MTA1: variants seen among roughly 807,000 people sequenced by gnomAD.
MTA1 encodes metastasis-associated protein MTA1.
A neutral mutation model predicts 97.0 loss-of-function variants in MTA1; 15 were observed. The observed-to-expected ratio is 0.15, with a 90% CI of 0.10 to 0.24. The LOEUF is 0.24. MTA1 is among the 10% of genes least tolerant of loss of function. The probability of loss-of-function intolerance (pLI) is 1.00; values close to 1 mark genes in which losing one functional copy is unlikely to be tolerated. For synonymous variants in MTA1, 435 were observed against 417.5 expected, an observed-to-expected ratio of 1.04 and a Z score of -0.51; for missense variants, 709 against 1,015.1, an observed-to-expected ratio of 0.70 and a Z score of 4.10.
At position 105,448,601 on chromosome 14, in the gene MTA1, A is replaced by C. The variant is rs142092413; in HGVS notation, c.191-758A>C. ...GAGTGAGATGTGTTGGCCTGGGATG[A>C]GAGGACTGGGGCTGTCCTGGTCGGC... is the stretch of plus-strand genomic sequence containing the variant. On this transcript the variant is annotated intron_variant, in intron 3 of 20. Transcript: ENST00000331320. 8.5e-4 allele frequency among the ~76,000 whole-genome samples: 130 copies of C among 152,310 alleles called. 4 individuals carry two copies. In the East Asian group the frequency reaches 0.014, roughly 16 times the overall value.
intron 6 of MTA1, 130 bp downstream of exon 6, chr14:105,450,454 G>A (rs2141580534): frequency 1.8e-6 from 2 of 1,082,286 alleles, no homozygotes; most frequent in South Asian, 1.6e-5. Context: ...TGTTCTGGGG[G>A]GAAGCGGGGA....
rs1595415597 is a variant in MTA1 at position 105,464,745 on chromosome 14, T to C, written c.1416T>C (p.Tyr472=). The change falls in exon 15 of 21, where the codon TAT becomes TAC. Residue 472 remains tyrosine (Y), a synonymous_variant. Transcript: ENST00000331320. The part of the protein sequence containing the change: ...KFAMKTRQAF[Y]LHTTKLTRIA... ...CCATGAAGACCAGGCAGGCTTTCTA[T>C]CTGCACACGACGAAGCTGACGCGGA... 7 of 1,610,206 alleles carry C rather than the reference T, an allele frequency of 4.3e-6. No individual in the cohort carries two copies. Among genetic ancestry groups the C allele is most frequent in the Non-Finnish European group, 5.9e-6 (7 of 1,178,050 alleles).
Position 105,449,541 on chromosome 14 carries a change from G to A in MTA1, c.241+132G>A, listed in dbSNP as rs1162936458. 8 of 979,500 alleles carry A rather than the reference G, an allele frequency of 8.2e-6. No individual in the cohort carries two copies. The African/African-American group carries it at 9.9e-5, about 12-fold the overall frequency. The allele number at this position is 979,500 out of a possible 1,614,324, so 60.7% of individuals were successfully genotyped here. A position where few individuals can be genotyped will look rare whatever the true frequency, so the allele number is the denominator to read the frequency against. On this transcript the variant is annotated intron_variant, in intron 4 of 20. Coordinates refer to ENST00000331320, the MANE Select transcript of MTA1 (RefSeq NM_004689.4). ...TGCCCTGCGCCCGGCCGGCCCGGCT[G>A]AGGAGGGGCCCTCCCTTGTGTCCGG...
At chr14:105,432,247 T>G in intron 1 of MTA1, among the ~76,000 whole-genome samples, 1 of 152,208 alleles carries the variant, frequency 6.6e-6, no homozygotes, top group South Asian at 2.1e-4. Context: ...TTTTATTTAT[T>G]TATTTATTTT....
At chr14:105,423,442 C>T (rs1555421472) in intron 1 of MTA1, among the ~76,000 whole-genome samples, 1 of 152,100 alleles carries the variant, frequency 6.6e-6, no homozygotes, top group African/African-American at 2.4e-5. Context: ...GTCTGGAACT[C>T]CTGACCTCAA....
chr14:105,433,793 A>C (rs937450658), intron 1 of MTA1, among the ~76,000 whole-genome samples: 3 of 152,226 alleles, frequency 2.0e-5, no homozygotes, highest in Non-Finnish European at 2.9e-5. Context: ...AAGTCCTCTC[A>C]TGAGTGCATC....
chr14:105,468,074 CT>C (rs1555433333), intron 18 of MTA1: 7 of 353,316 alleles, frequency 2.0e-5, no homozygotes, highest in Non-Finnish European at 2.8e-5. Flanking sequence ...GACCTGGGCG[CT>C]GGAGAGGGGC....
chr14:105,463,641 A>C lies in MTA1; in HGVS notation c.1076+90A>C. On this transcript the variant is annotated intron_variant, in intron 12 of 20. Transcript: ENST00000331320. This position sits in a 1 kb window ranked among gnomAD's most constrained non-coding sequence, Gnocchi z 5.9. Reference sequence around the variant, plus strand: ...GCTGGGGCCAGGCGGGTCCCAAGGAAACTCAAGCTCAGAGGCTGGGAAAGT... The same window carrying C: ...GCTGGGGCCAGGCGGGTCCCAAGGACACTCAAGCTCAGAGGCTGGGAAAGT... 1.5e-6 allele frequency: 2 copies of C among 1,342,492 alleles called. 1 individual carries two copies. The allele number at this position is 1,342,492 out of a possible 1,614,324, so 83.2% of individuals were successfully genotyped here. A position where few individuals can be genotyped will look rare whatever the true frequency, so the allele number is the denominator to read the frequency against.
Position 105,424,146 on chromosome 14 carries a change from A to T in MTA1, c.28+4083A>T, listed in dbSNP as rs587749542. On this transcript the variant is annotated intron_variant, in intron 1 of 20. Transcript: ENST00000331320. The surrounding 1 kb of genome is among the most constrained non-coding windows in gnomAD (Gnocchi z 4.0). ...AGCCCTGGCTCACTCTCCAGGCAGG[A>T]TGGGCCACTGAGCTTCTCCTGCCTC... Among the ~76,000 whole-genome samples the T allele has an allele frequency of 1.9e-3, 296 of 152,326 alleles. 2 individuals carry two copies. The highest frequency in any genetic ancestry group is 6.8e-3 in the African/African-American group (283 of 41,580).
At chr14:105,421,608 C>A (rs2081838751) in intron 1 of MTA1, among the ~76,000 whole-genome samples, 2 of 152,218 alleles carry the variant, frequency 1.3e-5, no homozygotes, top group Admixed American at 6.5e-5. Flanking sequence ...GGCCTTCAGG[C>A]CTGCCTGCCT....
chr14:105,463,243 C>A lies in MTA1; in HGVS notation c.1002C>A (p.Asp334Glu). The change falls in exon 11 of 21, where the codon GAC becomes GAA. Residue 334 changes from aspartate to glutamate, a missense_variant. Asp to Glu is a conservative substitution (Grantham distance 45). Coordinates refer to ENST00000331320, the MANE Select transcript of MTA1 (RefSeq NM_004689.4). This position sits in a 1 kb window ranked among gnomAD's most constrained non-coding sequence, Gnocchi z 5.9. ...IEYYYMWKTT[D>E]RYVQQKRLKA... ...ACTACTACATGTGGAAGACCACCGA[C>A]AGATACGTGCAGCAGGTGAGCCCGC... 1.9e-6 allele frequency: 3 copies of A among 1,610,666 alleles called. No homozygotes were observed. The highest frequency in any genetic ancestry group is 2.5e-6 in the Non-Finnish European group (3 of 1,179,812).
intron 16 of MTA1, chr14:105,465,731 C>T (rs1362872155): frequency 2.6e-5 from 4 of 152,578 alleles, no homozygotes; most frequent in Admixed American, 2.6e-4. Flanking sequence ...CCGAGAACCT[C>T]AGCCGGCTAC....
At chr14:105,466,912 G>A in intron 18 of MTA1, 170 bp downstream of exon 18, 1 of 689,600 alleles carries the variant, frequency 1.5e-6, no homozygotes, top group Non-Finnish European at 2.4e-6. Flanking sequence ...CTGGTCCCTT[G>A]GTGAAGACCC....
intron 3 of MTA1, among the ~76,000 whole-genome samples, chr14:105,448,130 C>G (rs587645530): frequency 1.3e-5 from 2 of 152,228 alleles, no homozygotes; most frequent in African/African-American, 4.8e-5. Context: ...AACGTCCCTC[C>G]TCAGAGGAGG....
intron 18 of MTA1, chr14:105,467,716 C>T: frequency 5.7e-6 from 2 of 348,582 alleles, no homozygotes; most frequent in Non-Finnish European, 1.1e-5. Context: ...GGGCTGCCCC[C>T]ATTGCCTAGT....
intron 7 of MTA1, among the ~76,000 whole-genome samples, chr14:105,455,793 G>A (rs1555429755): frequency 6.6e-6 from 1 of 152,230 alleles, no homozygotes. Context: ...TGCTCTGGGA[G>A]GTGCTTGGCA....
chr14:105,443,531 C>T (rs868933462), intron 2 of MTA1, among the ~76,000 whole-genome samples: 4 of 152,182 alleles, frequency 2.6e-5, no homozygotes, highest in African/African-American at 9.6e-5. Flanking sequence ...ACCACTGCAT[C>T]TGGTTAATTT....
chr14:105,457,518 G>A (rs1420499501), intron 7 of MTA1, among the ~76,000 whole-genome samples: 2 of 152,244 alleles, frequency 1.3e-5, no homozygotes, highest in Admixed American at 1.3e-4. Context: ...CCCTGGGGTG[G>A]AAGAGGGGCC....
At chr14:105,455,798 T>C (rs2083124556) in intron 7 of MTA1, among the ~76,000 whole-genome samples, 1 of 152,200 alleles carries the variant, frequency 6.6e-6, no homozygotes, top group South Asian at 2.1e-4. Flanking sequence ...TGGGAGGTGC[T>C]TGGCAGTGGG....
Sources: gnomAD v4.1 joint callset for allele counts (sites outside exome capture counted in the v4.1 genomes callset) on GRCh38, gnomAD v4.1.1 for gene constraint, Gnocchi (gnomAD v3.1) non-coding constraint, MANE v1.5 for transcripts, NCBI Gene and HGNC (gene_info 2026-07-23, HGNC 2026-07-21) for gene names.